The following MOK variants were observed in gnomAD, a reference collection of about 807,000 sequenced individuals.
The protein encoded by MOK is MOK protein kinase.
A neutral mutation model predicts 54.2 loss-of-function variants in MOK; 59 were observed. The observed-to-expected ratio is 1.09, with a 90% CI of 0.88 to 1.35. The LOEUF (loss-of-function observed/expected upper bound fraction) is 1.35. Ranked by LOEUF, MOK falls within the 40% of genes most tolerant of loss-of-function variation. MOK has a pLI of 0.00. For synonymous variants in MOK, 210 were observed against 202.7 expected, an observed-to-expected ratio of 1.04 and a Z score of -0.31; for missense variants, 517 against 526.2, an observed-to-expected ratio of 0.98 and a Z score of 0.17.
chr14:102,218,175 TCTTA>T, the MOK span, among the ~76,000 whole-genome samples: 1 of 152,220 alleles, frequency 6.6e-6, no homozygotes, highest in Admixed American at 6.5e-5. Flanking sequence ...CCTGTGTGCG[TCTTA>T]CTTTTGTTTG....
chr14:102,268,948 T>C (rs2068132235), intron 2 of MOK, among the ~76,000 whole-genome samples: 1 of 152,036 alleles, frequency 6.6e-6, no homozygotes. Context: ...AGATCAACTA[T>C]GAAATTTCAA....
At chr14:102,239,871 C>CA (rs1346897176) in intron 7 of MOK, among the ~76,000 whole-genome samples, 3 of 151,668 alleles carry the variant, frequency 2.0e-5, no homozygotes, top group Non-Finnish European at 1.5e-5. Context: ...TGTCTCAAAA[C>CA]AAAAAACAAA....
rs531019377 is a variant in MOK, at chr14:102,263,613, G to A, written c.216C>T (p.Asp72=). The change falls in exon 4 of 12, where the codon GAC becomes GAT. Residue 72 remains aspartate, a synonymous_variant. Coordinates refer to ENST00000361847, the MANE Select transcript of MOK (RefSeq NM_014226.3). ...NILMLHEVVF[D]RKSGSLALIC... ...TTAGTGCAAGAGAACCAGATTTTCT[G>A]TCACTGAAGAAGAAAGCAAGTTTTT... The A allele has an allele frequency of 1.2e-6, 2 of 1,602,008 alleles. No homozygotes were observed. The highest frequency in any genetic ancestry group is 1.1e-5 in the South Asian group (1 of 88,150).
rs188685734 is a variant in MOK at position 102,229,359 on chromosome 14, G to A, written c.1190C>T (p.Pro397Leu). ...KCIPASKKTD[P>L]QKDLKPAPQQ... is the part of the protein sequence containing the mutation. ...CGGGGCAGGCTTAAGGTCCTTCTGC[G>A]GATCTGTCTGTCAAAGAAAAATTAC... Residue 397 changes from proline to leucine, a missense_variant, in exon 12 of 12, where the codon CCG becomes CTG. By Grantham distance (98) the Pro-to-Leu change is moderately conservative. Coordinates refer to ENST00000361847, the MANE Select transcript of MOK (RefSeq NM_014226.3). 25 of 1,614,152 alleles carry A rather than the reference G, an allele frequency of 1.5e-5. No homozygotes were observed. The Middle Eastern group carries it at 5.0e-4, about 32-fold the overall frequency.
intron 1 of MOK, among the ~76,000 whole-genome samples, chr14:102,299,513 CA>C (rs56688594): frequency 4.4e-4 from 63 of 142,250 alleles, no homozygotes; most frequent in East Asian, 4.0e-4. Context: ...AGACTACCTA[CA>C]AAAAAAAAAA....
intron 1 of MOK, among the ~76,000 whole-genome samples, chr14:102,284,275 T>C (rs139160469): frequency 6.6e-6 from 1 of 152,096 alleles, no homozygotes; most frequent in Non-Finnish European, 1.5e-5. Context: ...TTAGTTTGGC[T>C]TATTGGTCAG....
At position 102,250,840 on chromosome 14, in the gene MOK, C is replaced by A; in HGVS notation, c.562G>T (p.Ala188Ser). ...FYTYKMDLWS[A>S]GCVFYEIASL... ...GCGATCTCGTAGAACACACAGCCGGCGCTCCACAGGTCCATCTTGTACGTG... is the reference window on the plus strand; with the variant it reads ...GCGATCTCGTAGAACACACAGCCGGAGCTCCACAGGTCCATCTTGTACGTG... Residue 188 changes from alanine to serine, a missense_variant, in exon 7 of 12, where the codon GCC (alanine) becomes TCC (serine). By Grantham distance (99) the Ala-to-Ser change is moderately conservative. Transcript: ENST00000361847. 1 of 1,613,910 alleles carries A rather than the reference C, an allele frequency of 6.2e-7. No individual in the cohort carries two copies. The highest frequency in any genetic ancestry group is 1.3e-5 in the African/African-American group (1 of 75,026).
chr14:102,239,082 T>G (rs1253871065), intron 7 of MOK, among the ~76,000 whole-genome samples: 1 of 152,164 alleles, frequency 6.6e-6, no homozygotes, highest in Non-Finnish European at 1.5e-5. Context: ...ATCCCTAGCT[T>G]TGGTCTCCCT....
intron 2 of MOK, among the ~76,000 whole-genome samples, chr14:102,274,897 A>C (rs1408247053): frequency 6.7e-6 from 1 of 150,094 alleles, no homozygotes; most frequent in Non-Finnish European, 1.5e-5. Flanking sequence ...ATTGCTTGAA[A>C]CCAGGAGGCA....
chr14:102,301,326 T>C (rs1352824371), intron 1 of MOK, among the ~76,000 whole-genome samples: 1 of 152,222 alleles, frequency 6.6e-6, no homozygotes, highest in Non-Finnish European at 1.5e-5. Flanking sequence ...GAAGCTGCCA[T>C]GCCCACCCGG....
chr14:102,223,551 A>C (rs554073350), downstream of MOK: 3 of 152,362 alleles, frequency 2.0e-5, no homozygotes, highest in South Asian at 4.1e-4. Context: ...TCAACTCTGT[A>C]TTATATGTAT....
At chr14:102,251,261 G>A (rs866014309) in intron 6 of MOK, among the ~76,000 whole-genome samples, 14 of 152,290 alleles carry the variant, frequency 9.2e-5, no homozygotes, top group Non-Finnish European at 1.0e-4. Flanking sequence ...ACCCATTGGC[G>A]CTTCTACAAA....
intron 4 of MOK, 29 bp from the exon 5 acceptor site, chr14:102,252,024 G>T (rs1227693699): frequency 1.7e-6 from 2 of 1,190,790 alleles, no homozygotes; most frequent in Non-Finnish European, 2.5e-6. Flanking sequence ...AGGCAAATAC[G>T]GTTACTGATG....
At position 102,238,041 on chromosome 14, in the gene MOK, TC is replaced by T. The variant is rs1303062169; in HGVS notation, c.591-4253del. The stretch of plus-strand genomic sequence containing the variant: ...CCTTACTCCCTGTATCTTCTTCCCT[TC>T]CTACTCATTCTTGCACTGACGTCCT... On this transcript the variant is annotated intron_variant, in intron 7 of 11. Coordinates refer to ENST00000361847, the MANE Select transcript of MOK (RefSeq NM_014226.3). This position sits in a 1 kb window ranked among gnomAD's most constrained non-coding sequence, Gnocchi z 4.8. The T allele has an allele frequency of 6.6e-6, 1 of 152,318 alleles. No individual in the cohort carries two copies. Among genetic ancestry groups the T allele is most frequent in the East Asian group, 1.9e-4 (1 of 5,168 alleles). The allele number at this position is 152,318 out of a possible 1,614,324, so 9.4% of individuals were successfully genotyped here. A position where few individuals can be genotyped will look rare whatever the true frequency, so the allele number is the denominator to read the frequency against.
At chr14:102,222,275 A>G (rs1052001670), downstream of MOK, among the ~76,000 whole-genome samples, 1 of 152,102 alleles carries the variant, frequency 6.6e-6, no homozygotes, top group Non-Finnish European at 1.5e-5. This position sits in a 1 kb window ranked among gnomAD's most constrained non-coding sequence, Gnocchi z 4.4. Flanking sequence ...TGCTGTCTCT[A>G]CCTGTGGGGC....
chr14:102,250,738 A>T (rs2066458470), intron 7 of MOK, 74 bp downstream of exon 7: 8 of 1,419,644 alleles, frequency 5.6e-6, no homozygotes, highest in Non-Finnish European at 7.7e-6. Flanking sequence ...TCTGGATTGT[A>T]AAGGAAGGAG....
At chr14:102,227,617 A>C (rs529693651), downstream of MOK, among the ~76,000 whole-genome samples, 33 of 151,970 alleles carry the variant, frequency 2.2e-4, no homozygotes, top group Non-Finnish European at 4.1e-4. Context: ...GGCAAGCCTC[A>C]CTTCCGGTCT....
Position 102,230,574 on chromosome 14 carries a change from G to A in MOK, c.982-917C>T, listed in dbSNP as rs76503313. On this transcript the variant is annotated intron_variant, in intron 10 of 11. Transcript: ENST00000361847. The surrounding 1 kb of genome is among the most constrained non-coding windows in gnomAD (Gnocchi z 4.1). ...CCTTAGAGAAAAATATGCCGACCTC[G>A]GATGTGACTGAGGGTGGGGACTTGG... 0.052 allele frequency: 7,909 copies of A among 152,426 alleles called. 267 individuals carry two copies. Among genetic ancestry groups the A allele is most frequent in the African/African-American group, 0.098 (4,077 of 41,518 alleles). The allele number at this position is 152,426 out of a possible 1,614,324, so 9.4% of individuals were successfully genotyped here. A position where few individuals can be genotyped will look rare whatever the true frequency, so the allele number is the denominator to read the frequency against.
downstream of MOK, among the ~76,000 whole-genome samples, chr14:102,227,409 G>A (rs1360680870): frequency 6.7e-6 from 1 of 148,280 alleles, no homozygotes. Flanking sequence ...CTTGACGTCC[G>A]ACTCCCCTGG....
Sources: gnomAD v4.1 joint callset for allele counts (sites outside exome capture counted in the v4.1 genomes callset) on GRCh38, gnomAD v4.1.1 for gene constraint, Gnocchi (gnomAD v3.1) non-coding constraint, MANE v1.5 for transcripts, NCBI Gene and HGNC (gene_info 2026-07-23, HGNC 2026-07-21) for gene names.